The following TMEM132D variants were observed in gnomAD, a reference collection of about 807,000 sequenced individuals.
The protein encoded by TMEM132D is transmembrane protein 132D, also known as mature OL transmembrane protein.
A neutral mutation model predicts 62.3 loss-of-function variants in TMEM132D; 21 were observed. The observed-to-expected ratio is 0.34, with a 90% CI of 0.24 to 0.49. TMEM132D has a LOEUF of 0.49. Ranked by LOEUF, TMEM132D falls within the 20% of genes least tolerant of loss-of-function variation. The probability of loss-of-function intolerance (pLI) is 0.99; values close to 1 mark genes in which losing one functional copy is unlikely to be tolerated. For missense variants in TMEM132D, 1,346 were observed against 1,402.8 expected (o/e 0.96, Z 0.65); for synonymous variants, 621 against 575.6 (o/e 1.08, Z -1.13).
At chr12:129,477,095 C>A (rs1566082471) in intron 3 of TMEM132D, among the ~76,000 whole-genome samples, 1 of 152,112 alleles carries the variant, frequency 6.6e-6, no homozygotes, top group South Asian at 2.1e-4. Context: ...AAATTAGTTT[C>A]ATTTGATTTT....
chr12:129,541,885 G>C (rs1212561979), intron 2 of TMEM132D, among the ~76,000 whole-genome samples: 1 of 152,078 alleles, frequency 6.6e-6, no homozygotes, highest in Admixed American at 6.6e-5. Flanking sequence ...CTGAATACCT[G>C]AATAAAATTT....
chr12:129,614,649 C>T (rs1878867385), intron 2 of TMEM132D, among the ~76,000 whole-genome samples: 1 of 152,142 alleles, frequency 6.6e-6, no homozygotes, highest in Non-Finnish European at 1.5e-5. Flanking sequence ...CAGATGTCTA[C>T]AGAGTCCAGA....
chr12:129,348,411 T>C (rs1220250225), intron 3 of TMEM132D, among the ~76,000 whole-genome samples: 1 of 152,186 alleles, frequency 6.6e-6, no homozygotes, highest in East Asian at 1.9e-4. Flanking sequence ...TGCAGGGACA[T>C]GGATGAAGCT....
intron 1 of TMEM132D, among the ~76,000 whole-genome samples, chr12:129,731,351 CAA>C (rs1869229452): frequency 6.6e-6 from 1 of 152,060 alleles, no homozygotes; most frequent in Non-Finnish European, 1.5e-5. Flanking sequence ...TCAGGTATCT[CAA>C]AGTGCTGTAA....
chr12:129,748,499 G>A (rs905674372), intron 1 of TMEM132D, among the ~76,000 whole-genome samples: 21 of 152,138 alleles, frequency 1.4e-4, no homozygotes, highest in Non-Finnish European at 2.6e-4. Context: ...TATTAACAGG[G>A]AGAAAGGGTC....
intron 5 of TMEM132D, among the ~76,000 whole-genome samples, chr12:129,109,160 T>A (rs962226158): frequency 3.9e-5 from 6 of 152,240 alleles, no homozygotes; most frequent in African/African-American, 1.4e-4. Flanking sequence ...TAGGATGTGT[T>A]CAGAGCTTCT....
At chr12:129,136,194 CAGAG>C (rs936404324) in intron 5 of TMEM132D, among the ~76,000 whole-genome samples, 1 of 152,132 alleles carries the variant, frequency 6.6e-6, no homozygotes, top group African/African-American at 2.4e-5. Context: ...AAATATAGAA[CAGAG>C]AGTTCCTATA....
At chr12:129,403,668 A>G (rs562929393) in intron 3 of TMEM132D, among the ~76,000 whole-genome samples, 10 of 152,274 alleles carry the variant, frequency 6.6e-5, no homozygotes, top group African/African-American at 2.4e-4. Context: ...CACGGGGAAA[A>G]CGAGAGCAAC....
At chr12:129,592,345 T>C (rs1878213724) in intron 2 of TMEM132D, among the ~76,000 whole-genome samples, 1 of 152,222 alleles carries the variant, frequency 6.6e-6, no homozygotes, top group Admixed American at 6.5e-5. Context: ...ACTCCCAAAT[T>C]ATTGCCATTT....
intron 3 of TMEM132D, among the ~76,000 whole-genome samples, chr12:129,513,845 T>TTTATTTAC (rs1176342895): frequency 2.2e-5 from 3 of 137,030 alleles, no homozygotes; most frequent in African/African-American, 8.3e-5. Context: ...TATTTATTTA[T>TTTATTTAC]TTATTTTTTT....
intron 2 of TMEM132D, 102 bp from the exon 3 acceptor site, chr12:129,531,307 C>A (rs1262965395): frequency 8.0e-6 from 11 of 1,379,188 alleles, no homozygotes; most frequent in Non-Finnish European, 7.7e-6. Flanking sequence ...CGTTGCCTGG[C>A]AGGTGTAAGC....
At chr12:129,337,567 A>C (rs1287072729) in intron 4 of TMEM132D, 67 bp downstream of exon 4, 3 of 1,580,876 alleles carry the variant, frequency 1.9e-6, no homozygotes, top group African/African-American at 2.7e-5. Context: ...CCTGGGACTC[A>C]GTGCGGCGCC....
intron 2 of TMEM132D, among the ~76,000 whole-genome samples, chr12:129,629,437 T>C (rs1315237465): frequency 6.6e-6 from 1 of 152,194 alleles, no homozygotes; most frequent in Non-Finnish European, 1.5e-5. Flanking sequence ...ATTTCAGAAA[T>C]GAATCTTTCA....
chr12:129,743,829 T>G (rs1230465005), intron 1 of TMEM132D, among the ~76,000 whole-genome samples: 1 of 152,158 alleles, frequency 6.6e-6, no homozygotes, highest in African/African-American at 2.4e-5. Flanking sequence ...AGGCAGAGCT[T>G]GGAACAGGAG....
chr12:129,079,445 C>T (rs1166636610), intron 7 of TMEM132D, among the ~76,000 whole-genome samples: 1 of 152,180 alleles, frequency 6.6e-6, no homozygotes, highest in Non-Finnish European at 1.5e-5. Context: ...GCAATTTAGA[C>T]CCTGAACAGG....
intron 2 of TMEM132D, among the ~76,000 whole-genome samples, chr12:129,606,927 T>C (rs1196092743): frequency 1.3e-5 from 2 of 152,232 alleles, no homozygotes; most frequent in African/African-American, 4.8e-5. Flanking sequence ...GGCAGGTGCA[T>C]TGTTCATTCT....
chr12:129,319,051 C>T (rs889614853), intron 4 of TMEM132D, among the ~76,000 whole-genome samples: 4 of 151,956 alleles, frequency 2.6e-5, no homozygotes, highest in African/African-American at 4.8e-5. Flanking sequence ...CTTCCAGCTG[C>T]GGAAAAAAAG....
chr12:129,357,005 G>A (rs111985006), intron 3 of TMEM132D, among the ~76,000 whole-genome samples: 5,133 of 151,022 alleles, frequency 0.034, 290 homozygotes, highest in African/African-American at 0.11. Flanking sequence ...CCAGCATTTC[G>A]GGAGGCCGAG....
intron 4 of TMEM132D, among the ~76,000 whole-genome samples, chr12:129,314,760 T>C (rs550637547): frequency 1.2e-4 from 18 of 152,356 alleles, no homozygotes; most frequent in African/African-American, 4.3e-4. Context: ...GAGCATGGGA[T>C]GTGTTTCCAT....
Sources: allele counts gnomAD v4.1 joint callset (sites outside exome capture counted in the v4.1 genomes callset), GRCh38; gene constraint gnomAD v4.1.1; transcripts MANE v1.5; gene names NCBI Gene and HGNC (gene_info 2026-07-23, HGNC 2026-07-21).